The following CAMK2B variants were observed in gnomAD, a reference collection of about 807,000 sequenced individuals.
CAMK2B encodes calcium/calmodulin-dependent protein kinase type II subunit beta.
In CAMK2B, 27 loss-of-function variants were observed where a neutral mutation model predicts 93.7. The observed-to-expected ratio is 0.29, with a 90% CI of 0.21 to 0.40. The LOEUF (loss-of-function observed/expected upper bound fraction) is 0.40. Ranked by LOEUF, CAMK2B falls within the 10% of genes least tolerant of loss-of-function variation. The pLI, the probability that CAMK2B is intolerant of heterozygous loss-of-function variation, is 1.00. For synonymous variants in CAMK2B, 374 were observed against 358.8 expected, an observed-to-expected ratio of 1.04 and a Z score of -0.48; for missense variants, 568 against 895.8, an observed-to-expected ratio of 0.63 and a Z score of 4.67.
rs756121308 is a variant in CAMK2B, at chr7:44,312,242, A to G, written c.65+13115T>C. On this transcript the variant is annotated intron_variant, in intron 1 of 23. Transcript: ENST00000395749. This position sits in a 1 kb window ranked among gnomAD's most constrained non-coding sequence, Gnocchi z 4.1. The stretch of plus-strand genomic sequence containing the variant: ...GAATTTAAAATGACAACTCTATTCC[A>G]GCATCCTCAGCCCACACTGGGGGAA... Among the ~76,000 whole-genome samples, 16 of 152,082 alleles carry G rather than the reference A, an allele frequency of 1.1e-4. No homozygotes were observed. The highest frequency in any genetic ancestry group is 2.2e-4 in the Non-Finnish European group (15 of 67,990).
rs752514706 is a variant in CAMK2B, at chr7:44,228,807, A to G, written c.1457T>C (p.Leu486Pro). 14 of 1,505,812 alleles carry G rather than the reference A, an allele frequency of 9.3e-6. No individual in the cohort carries two copies. In the African/African-American group the frequency reaches 1.5e-4, roughly 17 times the overall value. The allele number at this position is 1,505,812 out of a possible 1,614,324, so 93.3% of individuals were successfully genotyped here. A position where few individuals can be genotyped will look rare whatever the true frequency, so the allele number is the denominator to read the frequency against. Residue 486 changes from leucine (L) to proline (P), a missense_variant, in exon 19 of 24, where the codon CTG becomes CCG. Coordinates refer to ENST00000395749, the MANE Select transcript of CAMK2B (RefSeq NM_001220.5). ...GGGCCACTACTTACACGGGGAGGAC[A>G]GGGGGCCTAGGAGAGCCGGAGACAG... is the stretch of plus-strand genomic sequence containing the variant. ...PCLSPALLGP[L>P]SSPSPRISDI...
intron 16 of CAMK2B, among the ~76,000 whole-genome samples, 191 bp downstream of exon 16, chr7:44,232,631 G>C (rs1041536424): frequency 1.3e-5 from 2 of 152,222 alleles, no homozygotes; most frequent in Middle Eastern, 3.2e-3. Flanking sequence ...CCAGGGGCGC[G>C]CCTGGGGCCT....
chr7:44,284,095 T>C (rs1414911439), intron 2 of CAMK2B, 36 bp downstream of exon 2: 1 of 1,507,452 alleles, frequency 6.6e-7, no homozygotes, highest in East Asian at 2.3e-5. Flanking sequence ...TGCCCCAGCC[T>C]GACAGCAGCT....
chr7:44,288,276 C>A (rs569056867), intron 1 of CAMK2B, among the ~76,000 whole-genome samples: 1 of 152,238 alleles, frequency 6.6e-6, no homozygotes. Flanking sequence ...GAAGCACGGG[C>A]GGGCCTAGCA....
chr7:44,274,386 G>A (rs2097010760), intron 2 of CAMK2B, among the ~76,000 whole-genome samples: 1 of 152,180 alleles, frequency 6.6e-6, no homozygotes, highest in Admixed American at 6.5e-5. Flanking sequence ...CTCGAGCTTT[G>A]CCCTGGATCT....
rs1175959706 is a variant in CAMK2B, at chr7:44,243,187, T to C, written c.601+63A>G. 19 of 1,233,244 alleles carry C rather than the reference T, an allele frequency of 1.5e-5. No homozygotes were observed. The East Asian group carries it at 4.3e-4, about 28-fold the overall frequency. The allele number at this position is 1,233,244 out of a possible 1,614,324, so 76.4% of individuals were successfully genotyped here. The stretch of plus-strand genomic sequence containing the variant: ...GTGCTGGCCACTGCACACTCCAGGA[T>C]GTAGGTGGGAAGTCCTGAAACACCC... On this transcript the variant is annotated intron_variant, in intron 8 of 23. Coordinates refer to ENST00000395749, the MANE Select transcript of CAMK2B (RefSeq NM_001220.5).
intron 2 of CAMK2B, among the ~76,000 whole-genome samples, chr7:44,280,917 G>A (rs1457333207): frequency 6.6e-6 from 1 of 152,248 alleles, no homozygotes. Context: ...ATAAAACCAG[G>A]AGAGGGATGA....
At position 44,243,302 on chromosome 7, in the gene CAMK2B, A is replaced by C; in HGVS notation, c.549T>G (p.Pro183=). 1 of 1,614,038 alleles carries C rather than the reference A, an allele frequency of 6.2e-7. No individual in the cohort carries two copies. Among genetic ancestry groups the C allele is most frequent in the Admixed American group, 1.7e-5 (1 of 60,028 alleles). The part of the protein sequence containing the change: ...GFAGTPGYLS[P]EVLRKEAYGK... ...CATACGCCTCTTTGCGAAGGACCTC[A>C]GGGGACAGGTAGCCTGGTGTGCCAG... is the stretch of plus-strand genomic sequence containing the variant. The change falls in exon 8 of 24, where the codon CCT becomes CCG. Residue 183 remains proline (P), a synonymous_variant. Coordinates refer to ENST00000395749, the MANE Select transcript of CAMK2B (RefSeq NM_001220.5).
intron 1 of CAMK2B, among the ~76,000 whole-genome samples, chr7:44,301,298 T>TTTTGTTTG (rs930307675): frequency 6.6e-6 from 1 of 152,198 alleles, no homozygotes; most frequent in Admixed American, 6.5e-5. Context: ...CTGTGATGTT[T>TTTTGTTTG]TTTGTTTGTT....
intron 1 of CAMK2B, among the ~76,000 whole-genome samples, chr7:44,296,054 T>A (rs994103992): frequency 2.0e-5 from 3 of 152,096 alleles, no homozygotes; most frequent in Non-Finnish European, 4.4e-5. Flanking sequence ...TGTCCAGCTT[T>A]CAATAAAAAA....
intron 18 of CAMK2B, 160 bp from the exon 19 acceptor site, chr7:44,229,084 G>C: frequency 1.3e-6 from 1 of 750,018 alleles, no homozygotes; most frequent in Admixed American, 2.1e-5. Context: ...GAGCCCCCCC[G>C]CCCGCAAGCT....
rs1861788245 is a variant in CAMK2B, at chr7:44,312,699, A to G, written c.65+12658T>C. ...ACAGAGAGACAGAGGAGACAGAGAA[A>G]GAGTAACACCTCCCGCAAGACAGGC... On this transcript the variant is annotated intron_variant, in intron 1 of 23. Transcript: ENST00000395749. The surrounding 1 kb of genome is among the most constrained non-coding windows in gnomAD (Gnocchi z 4.1). Among the ~76,000 whole-genome samples the G allele has an allele frequency of 1.3e-5, 2 of 152,188 alleles. No individual in the cohort carries two copies.
At chr7:44,253,490 C>T (rs771838673) in intron 5 of CAMK2B, among the ~76,000 whole-genome samples, 12 of 152,128 alleles carry the variant, frequency 7.9e-5, no homozygotes, top group South Asian at 6.2e-4. Context: ...TGGAATTACA[C>T]GTGTGAGCCA....
chr7:44,313,003 C>T (rs1357195660), intron 1 of CAMK2B, among the ~76,000 whole-genome samples: 14 of 152,102 alleles, frequency 9.2e-5, no homozygotes, highest in Admixed American at 8.5e-4. Flanking sequence ...GGAGTACAGG[C>T]TCAGCCACAT....
chr7:44,228,869 T>C lies in CAMK2B; in HGVS notation c.1395A>G (p.Glu465=), dbSNP rs760503107. 9 of 1,565,258 alleles carry C rather than the reference T, an allele frequency of 5.7e-6. No individual in the cohort carries two copies. The highest frequency in any genetic ancestry group is 2.3e-5 in the East Asian group (1 of 43,522). ...GCCCCGCTGAGAGGGGGCCCTCGGC[T>C]TCTGGGGTTCCTGAACCCCTTCTCA... ...NSVRRGSGTP[E]AEGPLSAGPP... is the part of the protein sequence containing the mutation. Residue 465 remains glutamate (E), a synonymous_variant, in exon 19 of 24, where the codon GAA becomes GAG. Coordinates refer to ENST00000395749, the MANE Select transcript of CAMK2B (RefSeq NM_001220.5).
chr7:44,242,460 C>G (rs950554499), intron 9 of CAMK2B, 100 bp downstream of exon 9: 8 of 1,516,102 alleles, frequency 5.3e-6, no homozygotes, highest in Non-Finnish European at 7.2e-6. Flanking sequence ...AGGACCTGGC[C>G]ACAGGTGGCT....
intron 15 of CAMK2B, among the ~76,000 whole-genome samples, chr7:44,233,689 C>T (rs1382672183): frequency 2.0e-5 from 3 of 152,178 alleles, no homozygotes; most frequent in Non-Finnish European, 2.9e-5. Context: ...ATAGGGTTCA[C>T]CTGTAGGAGC....
intron 11 of CAMK2B, among the ~76,000 whole-genome samples, chr7:44,241,016 C>T (rs1008878310): frequency 2.0e-5 from 3 of 152,206 alleles, no homozygotes; most frequent in Admixed American, 2.0e-4. Context: ...CCTCAAGCCT[C>T]AGGGGTCACC....
At chr7:44,285,785 G>GA (rs1784871708) in intron 1 of CAMK2B, among the ~76,000 whole-genome samples, 1 of 145,610 alleles carries the variant, frequency 6.9e-6, no homozygotes, top group South Asian at 2.2e-4. Context: ...GAGATGTGGG[G>GA]GGAGACCCAG....
Sources: allele counts gnomAD v4.1 joint callset (sites outside exome capture counted in the v4.1 genomes callset), GRCh38; gene constraint gnomAD v4.1.1; non-coding constraint Gnocchi (gnomAD v3.1); transcripts MANE v1.5; gene names NCBI Gene and HGNC (gene_info 2026-07-23, HGNC 2026-07-21).